The following CHRNA7 variants were observed in gnomAD, a reference collection of about 807,000 sequenced individuals.
The protein encoded by CHRNA7 is neuronal acetylcholine receptor subunit alpha-7.
In CHRNA7, 17 loss-of-function variants were observed where a neutral mutation model predicts 48.0. That is an observed-to-expected ratio of 0.35 (90% CI 0.24 to 0.53). The LOEUF is 0.53. Among genes scored for constraint, CHRNA7 ranks in the 20% least tolerant of loss-of-function variants. CHRNA7 has a pLI of 0.92. For synonymous variants in CHRNA7, 75 were observed against 242.3 expected, an observed-to-expected ratio of 0.31 and a Z score of 6.41; for missense variants, 155 against 577.7, an observed-to-expected ratio of 0.27 and a Z score of 7.50.
chr15:32,081,573 A>G (rs1299057052), intron 2 of CHRNA7, among the ~76,000 whole-genome samples: 2 of 152,206 alleles, frequency 1.3e-5, no homozygotes, highest in East Asian at 1.9e-4. Flanking sequence ...TCTAGGTATT[A>G]TATTATTTAT....
intron 3 of CHRNA7, chr15:32,111,129 T>C (rs11852956): frequency 0.18 from 27,576 of 152,162 alleles, 2,680 homozygotes; most frequent in Middle Eastern, 0.25. Flanking sequence ...GGTATTCCTC[T>C]GGCAAAAGTC....
At chr15:32,104,672 TGA>T in intron 3 of CHRNA7, among the ~76,000 whole-genome samples, 1 of 152,246 alleles carries the variant, frequency 6.6e-6, no homozygotes, top group Non-Finnish European at 1.5e-5. Context: ...TTTTGCCGAA[TGA>T]GAGAATGAAG....
chr15:32,039,860 T>A (rs2049415159), intron 2 of CHRNA7, among the ~76,000 whole-genome samples: 1 of 152,142 alleles, frequency 6.6e-6, no homozygotes, highest in South Asian at 2.1e-4. Flanking sequence ...AGTTTCCAAC[T>A]GTGAAAATGG....
At chr15:32,079,545 A>G (rs369817959) in intron 2 of CHRNA7, among the ~76,000 whole-genome samples, 2 of 152,318 alleles carry the variant, frequency 1.3e-5, no homozygotes, top group African/African-American at 4.8e-5. Context: ...CCCATTCACA[A>G]TTGCTACAAA....
At chr15:32,068,082 C>G (rs1408863893) in intron 2 of CHRNA7, among the ~76,000 whole-genome samples, 8 of 152,110 alleles carry the variant, frequency 5.3e-5, no homozygotes, top group African/African-American at 1.9e-4. Flanking sequence ...GAGGCTGAGA[C>G]AGGAGGATTG....
At chr15:32,101,457 A>AG in intron 3 of CHRNA7, 110 bp downstream of exon 3, 2 of 1,204,016 alleles carry the variant, frequency 1.7e-6, no homozygotes, top group Non-Finnish European at 2.3e-6. Context: ...TTAGGAAAAA[A>AG]AACCAAAAAA....
intron 2 of CHRNA7, among the ~76,000 whole-genome samples, chr15:32,096,096 G>A (rs1456800540): frequency 6.6e-6 from 1 of 152,284 alleles, no homozygotes; most frequent in South Asian, 2.1e-4. Flanking sequence ...TTAAATTTGG[G>A]GGGTCTCCCA....
At chr15:32,144,347 T>C (rs1209385881) in intron 4 of CHRNA7, among the ~76,000 whole-genome samples, 1 of 152,130 alleles carries the variant, frequency 6.6e-6, no homozygotes, top group Non-Finnish European at 1.5e-5. Flanking sequence ...GCTGTTAACA[T>C]TTTTTCCCTT....
intron 4 of CHRNA7, among the ~76,000 whole-genome samples, chr15:32,119,482 G>A (rs2050929998): frequency 6.6e-6 from 1 of 152,160 alleles, no homozygotes; most frequent in Non-Finnish European, 1.5e-5. Flanking sequence ...ATTGGTGGAT[G>A]GGGAAGCCAG....
chr15:32,033,954 T>C (rs1901965210), intron 2 of CHRNA7, among the ~76,000 whole-genome samples: 2 of 152,228 alleles, frequency 1.3e-5, no homozygotes, highest in African/African-American at 4.8e-5. Flanking sequence ...TTAATCAATT[T>C]ATTCCACACA....
chr15:32,078,810 C>A (rs1157217660), intron 2 of CHRNA7, among the ~76,000 whole-genome samples: 1 of 152,084 alleles, frequency 6.6e-6, no homozygotes, highest in Non-Finnish European at 1.5e-5. Flanking sequence ...ATGAGGCCAG[C>A]ATCATCCTGA....
At chr15:32,088,402 C>T (rs908094229) in intron 2 of CHRNA7, among the ~76,000 whole-genome samples, 1 of 152,142 alleles carries the variant, frequency 6.6e-6, no homozygotes, top group African/African-American at 2.4e-5. Flanking sequence ...TAAACATGTG[C>T]AGGTTTTCTG....
intron 4 of CHRNA7, among the ~76,000 whole-genome samples, chr15:32,137,338 C>CA (rs66470254): frequency 2.7e-4 from 14 of 51,360 alleles, no homozygotes; most frequent in African/African-American, 1.3e-3. Flanking sequence ...TTACAACACC[C>CA]CCCCCCCACA....
In CHRNA7 at chr15:32,136,037, G is replaced by T. The variant is rs910020629; in HGVS notation, c.351-17870G>T. On this transcript the variant is annotated intron_variant, in intron 4 of 9. Coordinates refer to ENST00000306901, the MANE Select transcript of CHRNA7 (RefSeq NM_000746.6). Reference sequence around the variant, plus strand: ...ATTCTCGGGAAAACATATACTAAAGGAGTTTACCGTGCAGGGGCTGTGCTA... The same window carrying T: ...ATTCTCGGGAAAACATATACTAAAGTAGTTTACCGTGCAGGGGCTGTGCTA... 2.6e-5 allele frequency among the ~76,000 whole-genome samples: 4 copies of T among 152,092 alleles called. No homozygotes were observed. In the South Asian group the frequency reaches 8.3e-4, roughly 32 times the overall value.
intron 3 of CHRNA7, among the ~76,000 whole-genome samples, chr15:32,104,714 T>G (rs2141266627): frequency 6.6e-6 from 1 of 152,224 alleles, no homozygotes; most frequent in East Asian, 1.9e-4. Flanking sequence ...TTGAGGTGCT[T>G]GGGTAGCGTG....
intron 2 of CHRNA7, among the ~76,000 whole-genome samples, chr15:32,052,812 G>C (rs1322062407): frequency 3.3e-5 from 5 of 152,178 alleles, no homozygotes; most frequent in African/African-American, 1.2e-4. Context: ...GTATTTAATA[G>C]TATAGTAGAG....
intron 2 of CHRNA7, among the ~76,000 whole-genome samples, chr15:32,037,621 T>C (rs1902154405): frequency 6.6e-6 from 1 of 152,178 alleles, no homozygotes; most frequent in African/African-American, 2.4e-5. Flanking sequence ...ATATAGATCT[T>C]GTAAATACTT....
chr15:32,081,228 A>C (rs1176369679), intron 2 of CHRNA7, among the ~76,000 whole-genome samples: 4 of 152,200 alleles, frequency 2.6e-5, no homozygotes, highest in Admixed American at 6.5e-5. Flanking sequence ...AGGTGCAGCA[A>C]ACCACCATGG....
At chr15:32,116,095 AT>A (rs1306929204) in intron 4 of CHRNA7, among the ~76,000 whole-genome samples, 1 of 152,162 alleles carries the variant, frequency 6.6e-6, no homozygotes, top group Non-Finnish European at 1.5e-5. Flanking sequence ...TAGTAGACTC[AT>A]CTGTTAGTTC....
Sources: gnomAD v4.1 joint callset for allele counts (sites outside exome capture counted in the v4.1 genomes callset) on GRCh38, gnomAD v4.1.1 for gene constraint, MANE v1.5 for transcripts, NCBI Gene and HGNC (gene_info 2026-07-23, HGNC 2026-07-21) for gene names.